Variants in SLC8A1 observed in about 807,000 individuals in gnomAD.
SLC8A1 encodes the protein sodium/calcium exchanger 1.
In SLC8A1, 18 loss-of-function variants were observed where a neutral mutation model predicts 68.3. The observed-to-expected ratio is 0.26, with a 90% CI of 0.18 to 0.39. The LOEUF is 0.39. Ranked by LOEUF, SLC8A1 falls within the 10% of genes least tolerant of loss-of-function variation. The pLI is 1.00. For missense variants in SLC8A1, 985 were observed against 1,156.7 expected (o/e 0.85, Z 2.15); for synonymous variants, 475 against 415.5 (o/e 1.14, Z -1.74).
chr2:40,199,160 T>C (rs2053656509), intron 2 of SLC8A1, among the ~76,000 whole-genome samples: 1 of 151,874 alleles, frequency 6.6e-6, no homozygotes, highest in South Asian at 2.1e-4. Flanking sequence ...ATGTTTTTAG[T>C]TGTGGAATTT....
intron 6 of SLC8A1, among the ~76,000 whole-genome samples, chr2:40,158,537 T>C (rs1020470829): frequency 1.3e-5 from 2 of 152,180 alleles, no homozygotes; most frequent in Non-Finnish European, 2.9e-5. Context: ...AGAGGTTTCA[T>C]ATCTCAGTTA....
chr2:40,314,156 T>C (rs2074122810), intron 2 of SLC8A1, among the ~76,000 whole-genome samples: 1 of 152,122 alleles, frequency 6.6e-6, no homozygotes, highest in Non-Finnish European at 1.5e-5. Context: ...AGGTTTCAGA[T>C]ACATTTGGAA....
chr2:40,138,630 A>G (rs951187635), intron 7 of SLC8A1, among the ~76,000 whole-genome samples: 2 of 152,166 alleles, frequency 1.3e-5, no homozygotes, highest in Admixed American at 1.3e-4. Flanking sequence ...TGTCACTCCT[A>G]GATCTTCCAG....
chr2:40,150,523 T>A (rs1049289996), intron 6 of SLC8A1, among the ~76,000 whole-genome samples: 1 of 152,134 alleles, frequency 6.6e-6, no homozygotes, highest in East Asian at 1.9e-4. Context: ...AAAACTGTAT[T>A]CACATTGCAG....
At chr2:40,267,602 T>G (rs1029718467) in intron 2 of SLC8A1, among the ~76,000 whole-genome samples, 2 of 152,208 alleles carry the variant, frequency 1.3e-5, no homozygotes, top group African/African-American at 4.8e-5. Context: ...TTGCCATGCC[T>G]GGTATGCAGT....
At chr2:40,292,524 A>G (rs1244040847) in intron 2 of SLC8A1, among the ~76,000 whole-genome samples, 1 of 152,180 alleles carries the variant, frequency 6.6e-6, no homozygotes, top group African/African-American at 2.4e-5. Flanking sequence ...CAGGATTTAC[A>G]TGATTATCCA....
chr2:40,255,396 C>G (rs1456750624), intron 2 of SLC8A1, among the ~76,000 whole-genome samples: 1 of 152,134 alleles, frequency 6.6e-6, no homozygotes, highest in African/African-American at 2.4e-5. Flanking sequence ...ATTGGACTAT[C>G]ATCTCTCATC....
intron 2 of SLC8A1, among the ~76,000 whole-genome samples, chr2:40,284,910 T>C (rs1015710071): frequency 2.6e-5 from 4 of 152,120 alleles, no homozygotes; most frequent in Admixed American, 2.6e-4. Context: ...AAGCTTCATA[T>C]TCATCTGATG....
chr2:40,327,351 T>A (rs2075942568), intron 2 of SLC8A1, among the ~76,000 whole-genome samples: 1 of 152,218 alleles, frequency 6.6e-6, no homozygotes, highest in Admixed American at 6.5e-5. Context: ...TTTGTGCATA[T>A]GACATTTTAA....
chr2:40,133,668 G>T (rs1174947747), intron 7 of SLC8A1, among the ~76,000 whole-genome samples: 2 of 149,108 alleles, frequency 1.3e-5, no homozygotes. Context: ...GACGCGCAGA[G>T]AAAGATGAAG....
rs142661656 is a variant in SLC8A1, at chr2:40,430,246, G to A, written c.35C>T (p.Thr12Ile). 81 of 1,613,252 alleles carry A rather than the reference G, an allele frequency of 5.0e-5. No homozygotes were observed. The African/African-American group carries it at 9.2e-4, about 18-fold the overall frequency. The stretch of plus-strand genomic sequence containing the variant: ...TAACAGATGAAATCCCATTGAAAAG[G>A]TGGGTGAAAGACTTAATCGCCGCAT... Residue 12 changes from threonine to isoleucine, a missense_variant, in exon 2 of 8, where the codon ACC (threonine) becomes ATC (isoleucine). By Grantham distance (89) the Thr-to-Ile change is moderately conservative (BLOSUM62 -1). Transcript: ENST00000406785.
At chr2:40,444,353 TAA>T (rs1701050848) in intron 1 of SLC8A1, among the ~76,000 whole-genome samples, 1 of 151,978 alleles carries the variant, frequency 6.6e-6, no homozygotes, top group Non-Finnish European at 1.5e-5. Flanking sequence ...AAAGTAAAAT[TAA>T]AAAGTCATCT....
chr2:40,452,376 C>A (rs1234871796), upstream of SLC8A1, among the ~76,000 whole-genome samples: 1 of 152,102 alleles, frequency 6.6e-6, no homozygotes, highest in African/African-American at 2.4e-5. Flanking sequence ...CAGCCTCTGC[C>A]GGCGAGCAGC....
At chr2:40,112,102 G>T (rs527599659) in exon 8 of SLC8A1, 1 of 152,484 alleles carries the variant, frequency 6.6e-6, no homozygotes, top group African/African-American at 2.4e-5. Flanking sequence ...TGAATACTTG[G>T]TGTCTGTTTT....
chr2:40,380,736 C>A (rs972970007), intron 2 of SLC8A1, among the ~76,000 whole-genome samples: 6 of 152,012 alleles, frequency 3.9e-5, no homozygotes, highest in African/African-American at 1.5e-4. Context: ...CAATGATGGT[C>A]CACACTGGAT....
At chr2:40,197,499 C>T (rs753709553) in intron 2 of SLC8A1, among the ~76,000 whole-genome samples, 3 of 151,896 alleles carry the variant, frequency 2.0e-5, no homozygotes, top group Admixed American at 6.6e-5. Context: ...AATAAAACAG[C>T]CTAGGAAATT....
rs1684531859 is a variant in SLC8A1 at position 40,389,208 on chromosome 2, G to A, written c.1808+39265C>T. ...GCGTATTTAACAGAGAGGCTATACG[G>A]ACAATTTGTAGAGATCAATAGTTGG... On this transcript the variant is annotated intron_variant, in intron 2 of 7. Coordinates refer to ENST00000406785, the Ensembl canonical transcript of SLC8A1. 2.0e-5 allele frequency among the ~76,000 whole-genome samples: 3 copies of A among 151,998 alleles called. No homozygotes were observed. The South Asian group carries it at 6.2e-4, about 31-fold the overall frequency.
intron 6 of SLC8A1, among the ~76,000 whole-genome samples, chr2:40,145,662 G>A (rs2042327159): frequency 6.6e-6 from 1 of 152,148 alleles, no homozygotes; most frequent in African/African-American, 2.4e-5. Context: ...AAAGACCTTA[G>A]CGATCAGCTA....
intron 4 of SLC8A1, 90 bp downstream of exon 7, chr2:40,170,191 G>T: frequency 8.9e-7 from 1 of 1,123,258 alleles, no homozygotes; most frequent in Non-Finnish European, 1.3e-6. Context: ...TTTTACAGAG[G>T]AGAGGGGCTA....
Sources: allele counts gnomAD v4.1 joint callset (sites outside exome capture counted in the v4.1 genomes callset), GRCh38; gene constraint gnomAD v4.1.1; transcripts MANE v1.5; gene names NCBI Gene and HGNC (gene_info 2026-07-23, HGNC 2026-07-21).